Variants in CBL observed in about 807,000 individuals in gnomAD.
The protein encoded by CBL is E3 ubiquitin-protein ligase CBL.
A neutral mutation model predicts 96.9 loss-of-function variants in CBL; 45 were observed. The observed-to-expected ratio is 0.46, with a 90% CI of 0.37 to 0.60. CBL has a LOEUF of 0.60. Among genes scored for constraint, CBL ranks in the 20% least tolerant of loss-of-function variants. The pLI, the probability that CBL is intolerant of heterozygous loss-of-function variation, is 0.00. For missense variants in CBL, 1,024 were observed against 1,143.5 expected (o/e 0.90, Z 1.51); for synonymous variants, 420 against 426.8 (o/e 0.98, Z 0.20).
intron 1 of CBL, among the ~76,000 whole-genome samples, chr11:119,224,906 G>GT (rs1949445068): frequency 1.3e-5 from 2 of 151,978 alleles, no homozygotes; most frequent in Non-Finnish European, 2.9e-5. Context: ...CAAGGGGGCA[G>GT]GCACACTTGG....
chr11:119,208,334 A>C (rs1425114374), intron 1 of CBL, among the ~76,000 whole-genome samples: 2 of 151,894 alleles, frequency 1.3e-5, no homozygotes, highest in Non-Finnish European at 2.9e-5. Flanking sequence ...AATTGTGTTG[A>C]TTAGTGGCCT....
At chr11:119,249,184 C>T (rs1592385582) in intron 2 of CBL, among the ~76,000 whole-genome samples, 1 of 152,154 alleles carries the variant, frequency 6.6e-6, no homozygotes, top group Admixed American at 6.5e-5. Flanking sequence ...AAAGTAGAAG[C>T]AGTTCAAGTG....
intron 2 of CBL, among the ~76,000 whole-genome samples, chr11:119,260,939 C>CTTTTTTT (rs35248070): frequency 0.075 from 6,682 of 89,570 alleles, 825 homozygotes; most frequent in South Asian, 0.26. Context: ...TAAATCTCTA[C>CTTTTTTT]TTTTTTTTTT....
intron 1 of CBL, among the ~76,000 whole-genome samples, chr11:119,225,933 C>T (rs1592374511): frequency 1.3e-5 from 2 of 151,522 alleles, no homozygotes; most frequent in Non-Finnish European, 2.9e-5. Context: ...TTCACCATGT[C>T]GGCCAGGCTG....
intron 2 of CBL, among the ~76,000 whole-genome samples, chr11:119,250,905 C>A (rs889708016): frequency 7.2e-5 from 11 of 152,254 alleles, no homozygotes; most frequent in Admixed American, 2.0e-4. Context: ...TAGCCAAGAT[C>A]ACACCACTGC....
chr11:119,215,347 A>G (rs956289415), intron 1 of CBL, among the ~76,000 whole-genome samples: 3 of 152,152 alleles, frequency 2.0e-5, no homozygotes, highest in African/African-American at 7.2e-5. Context: ...TAATATTTAT[A>G]CTGTGATAAG....
intron 12 of CBL, among the ~76,000 whole-genome samples, chr11:119,295,756 T>C (rs1372299332): frequency 6.6e-6 from 1 of 152,218 alleles, no homozygotes; most frequent in South Asian, 2.1e-4. Context: ...TCTCATTTTA[T>C]TGTGAAAAGT....
At position 119,269,543 on chromosome 11, in the gene CBL, G is replaced by GAT. The variant is rs1189514432; in HGVS notation, c.444-2188_444-2187dup. Among the ~76,000 whole-genome samples the GAT allele has an allele frequency of 2.0e-5, 3 of 152,182 alleles. No individual in the cohort carries two copies. The East Asian group carries it at 5.8e-4, about 29-fold the overall frequency. On this transcript the variant is annotated intron_variant, in intron 2 of 15. Coordinates refer to ENST00000264033, the MANE Select transcript of CBL (RefSeq NM_005188.4). ...AATAGCATTTTTCGAACAAGTCATG[G>GAT]ATATAAAGACTTGGATAATTTGGTG... is the stretch of plus-strand genomic sequence containing the variant.
intron 9 of CBL, 136 bp from the exon 10 acceptor site, chr11:119,284,833 T>G: frequency 9.8e-7 from 1 of 1,016,108 alleles, no homozygotes; most frequent in Admixed American, 1.8e-5. Flanking sequence ...AGAGGGTGTG[T>G]GCGACCTCAA....
In CBL at chr11:119,299,552, T is replaced by A. The variant is rs1950085888; in HGVS notation, c.2492T>A (p.Ile831Asn). The A allele has an allele frequency of 1.9e-6, 3 of 1,614,148 alleles. No individual in the cohort carries two copies. In the East Asian group the frequency reaches 6.7e-5, roughly 36 times the overall value. ...CCTCCAAAACCATTCCCGCGGAGAATCAACTCTGAACGGAAAGCTGGCAGC... is the reference window on the plus strand; with the variant it reads ...CCTCCAAAACCATTCCCGCGGAGAAACAACTCTGAACGGAAAGCTGGCAGC... ...ERPPKPFPRR[I>N]NSERKAGSCQ... Residue 831 changes from isoleucine to asparagine, a missense_variant, in exon 16 of 16, where the codon ATC becomes AAC. Coordinates refer to ENST00000264033, the MANE Select transcript of CBL (RefSeq NM_005188.4).
At position 119,302,074 on chromosome 11, in the gene CBL, C is replaced by A. The variant is rs1173345334; in HGVS notation, c.*2293C>A. ...ATCTCCCTACTGTGTAGGTTAAGGGCAGTCTCGACTTTTCCTTTTTTGAGT... is the reference window on the plus strand; with the variant it reads ...ATCTCCCTACTGTGTAGGTTAAGGGAAGTCTCGACTTTTCCTTTTTTGAGT... On this transcript the variant is annotated 3_prime_UTR_variant, in exon 16 of 16. Transcript: ENST00000264033. 8.6e-6 allele frequency: 2 copies of A among 232,846 alleles called. No homozygotes were observed. The highest frequency in any genetic ancestry group is 8.5e-6 in the Non-Finnish European group (1 of 117,896). The allele number at this position is 232,846 out of a possible 1,614,324, so 14.4% of individuals were successfully genotyped here. A position where few individuals can be genotyped will look rare whatever the true frequency, so the allele number is the denominator to read the frequency against.
chr11:119,285,000 C>T lies in CBL; in HGVS notation c.1463C>T (p.Ala488Val), dbSNP rs377502790. 1.9e-5 allele frequency: 31 copies of T among 1,614,020 alleles called. No individual in the cohort carries two copies. Among genetic ancestry groups the T allele is most frequent in the Non-Finnish European group, 2.5e-5 (29 of 1,180,002 alleles). The change falls in exon 10 of 16, where the codon GCC (alanine) becomes GTC (valine). Residue 488 changes from alanine (A) to valine (V), a missense_variant. Ala to Val is a moderately conservative substitution (Grantham distance 64). Around this residue, in one of 4 missense-constraint regions of CBL, gnomAD observed 695 missense variants for 661.6 expected, o/e 1.05. Transcript: ENST00000264033. The part of the protein sequence containing the change: ...VERPPSPFSM[A>V]PQASLPPVPP... The stretch of plus-strand genomic sequence containing the variant: ...CGGCCGCCTTCTCCATTCTCCATGG[C>T]CCCACAAGCTTCCCTTCCCCCGGTG...
intron 1 of CBL, among the ~76,000 whole-genome samples, chr11:119,230,215 G>A (rs1413262787): frequency 7.9e-5 from 12 of 151,332 alleles, no homozygotes; most frequent in Admixed American, 7.2e-4. Flanking sequence ...GCAGTGGCGC[G>A]ATCTCGGCTC....
intron 6 of CBL, 151 bp downstream of exon 6, chr11:119,276,285 G>A (rs1949888905): frequency 1.2e-6 from 1 of 825,230 alleles, no homozygotes; most frequent in Non-Finnish European, 2.0e-6. Context: ...TTCAGGTCCT[G>A]GAAGACTTTT....
chr11:119,243,488 A>C (rs1051354265), intron 2 of CBL, among the ~76,000 whole-genome samples: 2 of 149,458 alleles, frequency 1.3e-5, no homozygotes, highest in African/African-American at 2.5e-5. Context: ...TTGATCAAGG[A>C]TATGAGACCC....
At chr11:119,275,884 A>G in intron 5 of CBL, 113 bp from the exon 6 acceptor site, 2 of 1,075,366 alleles carry the variant, frequency 1.9e-6, no homozygotes, top group African/African-American at 1.5e-5. Flanking sequence ...AAAGAAAGGA[A>G]GAAAGTTATT....
At chr11:119,216,412 A>G (rs4936468) in intron 1 of CBL, among the ~76,000 whole-genome samples, 90,469 of 151,196 alleles carry the variant, frequency 0.6, 28,087 homozygotes, top group East Asian at 0.88. Context: ...TTGCTCTGTC[A>G]CCAGGCTGGA....
chr11:119,260,253 C>CT (rs1016626416), intron 2 of CBL, among the ~76,000 whole-genome samples: 22 of 121,802 alleles, frequency 1.8e-4, no homozygotes, highest in African/African-American at 4.3e-4. Context: ...CTTTTCTTTT[C>CT]TTTTTTTTTG....
chr11:119,266,010 C>T (rs1365832655), intron 2 of CBL, among the ~76,000 whole-genome samples: 2 of 57,660 alleles, frequency 3.5e-5, no homozygotes, highest in African/African-American at 1.6e-4. Flanking sequence ...CAGAGCGAGA[C>T]TCCATCTCAA....
Sources: gnomAD v4.1 joint callset for allele counts (sites outside exome capture counted in the v4.1 genomes callset) on GRCh38, gnomAD v4.1.1 for gene constraint, gnomAD v4.1.1 regional missense constraint, MANE v1.5 for transcripts, NCBI Gene and HGNC (gene_info 2026-07-23, HGNC 2026-07-21) for gene names.